The following DNAI7 variants were observed in gnomAD, a reference collection of about 807,000 sequenced individuals.
DNAI7 encodes the protein cancer susceptibility 1.
Under a neutral mutation model 86.6 loss-of-function variants are expected in DNAI7, and 78 were observed. The ratio of observed to expected loss-of-function variants is 0.90; its 90% CI spans 0.75 to 1.09. The LOEUF (loss-of-function observed/expected upper bound fraction) is 1.09, where lower values mean the gene tolerates loss of function less well. Ranked by LOEUF, DNAI7 falls within the 50% of genes least tolerant of loss-of-function variation. The pLI is 0.00. For missense variants in DNAI7, 753 were observed against 810.2 expected (o/e 0.93, Z 0.86); for synonymous variants, 274 against 273.0 (o/e 1.00, Z -0.04).
At chr12:25,142,984 A>G (rs1467800753) in intron 9 of DNAI7, among the ~76,000 whole-genome samples, 1 of 152,210 alleles carries the variant, frequency 6.6e-6, no homozygotes, top group Non-Finnish European at 1.5e-5. Flanking sequence ...AAGCTTCTAA[A>G]CTATCTGAGA....
At chr12:25,111,640 A>T in intron 14 of DNAI7, 132 bp downstream of exon 14, 3 of 390,066 alleles carry the variant, frequency 7.7e-6, no homozygotes, top group Non-Finnish European at 1.1e-5. Context: ...TGGTCTTTTC[A>T]CTTATTTCTT....
Position 25,119,264 on chromosome 12 carries a change from G to T in DNAI7, c.1277C>A (p.Pro426Gln). Residue 426 changes from proline (P) to glutamine (Q), a missense_variant, in exon 12 of 16, where the codon CCG becomes CAG. By Grantham distance (76) the Pro-to-Gln change is moderately conservative. Coordinates refer to ENST00000395987, the MANE Select transcript of DNAI7 (RefSeq NM_018272.5). Reference sequence around the variant, plus strand: ...TGTCTCAAACTCTTCTGTAGTTTCCGGAGGATATGTGTATTTCTGTAATCC... The same window carrying T: ...TGTCTCAAACTCTTCTGTAGTTTCCTGAGGATATGTGTATTTCTGTAATCC... ...KEGLQKYTYP[P>Q]ETTEEFETEN... 6.2e-7 allele frequency: 1 copy of T among 1,611,716 alleles called. No individual in the cohort carries two copies. The highest frequency in any genetic ancestry group is 8.5e-7 in the Non-Finnish European group (1 of 1,178,270).
At chr12:25,110,015 A>AT (rs1430280176) in intron 15 of DNAI7, 112 bp downstream of exon 15, 4 of 632,704 alleles carry the variant, frequency 6.3e-6, no homozygotes, top group Middle Eastern at 3.4e-4. Flanking sequence ...TTGAATGTTA[A>AT]TTTTTTTAAC....
Position 25,154,468 on chromosome 12 carries a change from A to G in DNAI7, c.301-12T>C, listed in dbSNP as rs746561477. The G allele has an allele frequency of 4.4e-6, 7 of 1,598,898 alleles. No homozygotes were observed. In the South Asian group the frequency reaches 6.9e-5, roughly 16 times the overall value. ...ATGTAGTGCTTCCACTGTGGAATAA[A>G]AATGTTTAAAGGTTCACATTGATGA... On this transcript the variant is annotated splice_polypyrimidine_tract_variant and intron_variant, in intron 5 of 15. Coordinates refer to ENST00000395987, the MANE Select transcript of DNAI7 (RefSeq NM_018272.5).
intron 9 of DNAI7, among the ~76,000 whole-genome samples, chr12:25,124,061 T>TGTGTGTGTGTGTGTGTGTGC (rs1045679130): frequency 1.3e-5 from 2 of 151,404 alleles, no homozygotes; most frequent in Admixed American, 6.6e-5. Context: ...TGTGTGTGTG[T>TGTGTGTGTGTGTGTGTGTGC]GCTAATACTT....
At position 25,114,811 on chromosome 12, in the gene DNAI7, C is replaced by T. The variant is rs1447927614; in HGVS notation, c.1456G>A (p.Val486Ile). ...CCAAAGGTGTCCAGGCTGAATGTTA[C>T]AAGTCTTTCTTTTGGTTTGTAGGAT... ...NVSYKPKERL[V>I]TFSLDTFGPV... The change falls in exon 13 of 16, where the codon GTA becomes ATA. Residue 486 changes from valine (V) to isoleucine (I), a missense_variant. Transcript: ENST00000395987. The T allele has an allele frequency of 6.2e-7, 1 of 1,613,976 alleles. No individual in the cohort carries two copies. The highest frequency in any genetic ancestry group is 2.2e-5 in the East Asian group (1 of 44,880).
chr12:25,168,578 G>A (rs1037287342), intron 2 of DNAI7, among the ~76,000 whole-genome samples: 2 of 152,108 alleles, frequency 1.3e-5, no homozygotes, highest in Admixed American at 6.5e-5. Flanking sequence ...CAAAACCGCC[G>A]AGGCCTTGAC....
chr12:25,172,292 T>C (rs1751701306), intron 2 of DNAI7, among the ~76,000 whole-genome samples: 1 of 152,092 alleles, frequency 6.6e-6, no homozygotes, highest in African/African-American at 2.4e-5. Flanking sequence ...CAGTAGTTCT[T>C]CTATACACCA....
chr12:25,129,434 G>C (rs1352170097), intron 9 of DNAI7, among the ~76,000 whole-genome samples: 1 of 152,150 alleles, frequency 6.6e-6, no homozygotes, highest in East Asian at 1.9e-4. Flanking sequence ...AAGGAAATGA[G>C]AACAACTCCC....
chr12:25,120,317 G>GGAGAGAGAGAGAGACAGAGAGAGA, intron 11 of DNAI7, among the ~76,000 whole-genome samples: 1 of 80,812 alleles, frequency 1.2e-5, no homozygotes, highest in South Asian at 5.1e-4. Context: ...GCAGGAAGAG[G>GGAGAGAGAGAGAGACAGAGAGAGA]GAGAGAGAGA....
intron 9 of DNAI7, among the ~76,000 whole-genome samples, chr12:25,139,496 A>G (rs1359749866): frequency 6.6e-6 from 1 of 152,232 alleles, no homozygotes; most frequent in African/African-American, 2.4e-5. Context: ...ACAGCATATC[A>G]AAAAGATAAT....
chr12:25,114,985 T>C (rs995908936), intron 12 of DNAI7, 115 bp from the exon 13 acceptor site: 70 of 781,322 alleles, frequency 9.0e-5, no homozygotes, highest in Non-Finnish European at 1.2e-4. Flanking sequence ...ATATTTAGAA[T>C]AGAAACTCAA....
downstream of DNAI7, among the ~76,000 whole-genome samples, chr12:25,107,658 AGATT>A (rs1949287955): frequency 6.6e-6 from 1 of 152,274 alleles, no homozygotes; most frequent in Admixed American, 6.5e-5. Flanking sequence ...GGTGGGAGGC[AGATT>A]GTTTCCAAAA....
chr12:25,109,408 TG>T (rs1156486308), intron 15 of DNAI7, among the ~76,000 whole-genome samples: 1 of 148,868 alleles, frequency 6.7e-6, no homozygotes, highest in African/African-American at 2.4e-5. Flanking sequence ...TTTTAAGAGA[TG>T]GGGGTCTCAC....
chr12:25,122,755 T>C (rs937755272), intron 10 of DNAI7, among the ~76,000 whole-genome samples: 4 of 152,222 alleles, frequency 2.6e-5, no homozygotes, highest in African/African-American at 9.6e-5. Context: ...GTATGTGTAC[T>C]TGTGAAAGTT....
At chr12:25,151,475 T>C (rs571400526) in intron 6 of DNAI7, among the ~76,000 whole-genome samples, 19 of 152,338 alleles carry the variant, frequency 1.2e-4, no homozygotes, top group African/African-American at 3.4e-4. Context: ...TCCTGTGTTA[T>C]TGAACTTATC....
At chr12:25,195,036 G>T in intron 1 of DNAI7, 40 bp downstream of exon 1, 1 of 1,614,188 alleles carries the variant, frequency 6.2e-7, no homozygotes, top group Non-Finnish European at 8.5e-7. Flanking sequence ...CAGAATCAGT[G>T]GTCGCCCCTC....
chr12:25,114,608 G>T, intron 13 of DNAI7, 48 bp downstream of exon 13: 1 of 1,254,322 alleles, frequency 8.0e-7, no homozygotes, highest in South Asian at 1.2e-5. Context: ...CCATCAAAAT[G>T]GTTTACCTCT....
At chr12:25,184,680 C>T (rs997167649) in intron 2 of DNAI7, among the ~76,000 whole-genome samples, 3 of 152,134 alleles carry the variant, frequency 2.0e-5, no homozygotes, top group Admixed American at 2.0e-4. Flanking sequence ...TTTTATTCCA[C>T]CTTTATTTTT....
Sources: allele counts gnomAD v4.1 joint callset (sites outside exome capture counted in the v4.1 genomes callset), GRCh38; gene constraint gnomAD v4.1.1; transcripts MANE v1.5; gene names NCBI Gene and HGNC (gene_info 2026-07-23, HGNC 2026-07-21).